Variants in LRP1B observed in about 807,000 individuals in gnomAD.
LRP1B encodes low-density lipoprotein receptor-related protein 1B.
A neutral mutation model predicts 556.6 loss-of-function variants in LRP1B; 217 were observed. That is an observed-to-expected ratio of 0.39 (90% CI 0.35 to 0.44). The LOEUF is 0.44. Among genes scored for constraint, LRP1B ranks in the 20% least tolerant of loss-of-function variants. The pLI is 1.00. For missense variants in LRP1B, 5,053 were observed against 5,620.8 expected, an observed-to-expected ratio of 0.90 and a Z score of 3.23; for synonymous variants, 2,047 against 1,865.8, an observed-to-expected ratio of 1.10 and a Z score of -2.50.
At position 140,924,308 on chromosome 2, in the gene LRP1B, C is replaced by T. The variant is rs142188609; in HGVS notation, c.3137-1161G>A. On this transcript the variant is annotated intron_variant, in intron 20 of 90. Coordinates refer to ENST00000389484, the MANE Select transcript of LRP1B (RefSeq NM_018557.3). ...CTCTATTTGTTCAGTGAGAATGCAT[C>T]AACAGGGTTGATGTGAGAATTAAAT... Among the ~76,000 whole-genome samples the T allele has an allele frequency of 1.8e-3, 276 of 152,116 alleles. 1 individual carries two copies. The highest frequency in any genetic ancestry group is 6.5e-3 in the African/African-American group (269 of 41,562).
At chr2:141,066,749 C>T (rs1383301194) in intron 7 of LRP1B, among the ~76,000 whole-genome samples, 1 of 151,846 alleles carries the variant, frequency 6.6e-6, no homozygotes, top group Non-Finnish European at 1.5e-5. Flanking sequence ...AATGAAATGA[C>T]TTATCATTCA....
At chr2:141,076,054 G>A (rs990423739) in intron 7 of LRP1B, among the ~76,000 whole-genome samples, 1 of 152,170 alleles carries the variant, frequency 6.6e-6, no homozygotes, top group African/African-American at 2.4e-5. Flanking sequence ...GCTGTGAGGG[G>A]CAGATGTACT....
At chr2:141,811,580 A>G (rs979260697) in intron 1 of LRP1B, among the ~76,000 whole-genome samples, 3 of 152,116 alleles carry the variant, frequency 2.0e-5, no homozygotes, top group Admixed American at 6.6e-5. Context: ...GCAAACACAT[A>G]TATCTTTAAA....
intron 2 of LRP1B, among the ~76,000 whole-genome samples, chr2:141,791,249 T>C (rs1370114566): frequency 1.3e-5 from 2 of 151,926 alleles, no homozygotes; most frequent in Non-Finnish European, 1.5e-5. Context: ...AATTATGAAA[T>C]TGTACTAAAA....
At chr2:142,041,632 A>C (rs1246630931) in intron 1 of LRP1B, among the ~76,000 whole-genome samples, 1 of 151,472 alleles carries the variant, frequency 6.6e-6, no homozygotes, top group East Asian at 1.9e-4. Flanking sequence ...GCTATTGACA[A>C]AGGCTAAACT....
intron 3 of LRP1B, among the ~76,000 whole-genome samples, chr2:141,370,546 T>A (rs1417332633): frequency 2.0e-5 from 3 of 152,198 alleles, no homozygotes; most frequent in Non-Finnish European, 4.4e-5. Flanking sequence ...ATCCTGGATA[T>A]GAGTCCCCTG....
chr2:140,700,148 T>A (rs2105419011), intron 41 of LRP1B, 102 bp downstream of exon 41: 1 of 1,059,904 alleles, frequency 9.4e-7, no homozygotes, highest in Non-Finnish European at 1.4e-6. Context: ...GAATATAAAA[T>A]CTAGGAAAAT....
At chr2:141,402,548 C>T (rs576221515) in intron 3 of LRP1B, among the ~76,000 whole-genome samples, 1 of 151,906 alleles carries the variant, frequency 6.6e-6, no homozygotes, top group Non-Finnish European at 1.5e-5. Flanking sequence ...CTCAAAGTAA[C>T]ACTATAGAAA....
chr2:140,261,613 G>A (rs942710216), intron 86 of LRP1B, among the ~76,000 whole-genome samples: 1 of 151,704 alleles, frequency 6.6e-6, no homozygotes, highest in Non-Finnish European at 1.5e-5. Flanking sequence ...CAACGGTGTT[G>A]GTTAAAGTAG....
At chr2:141,261,901 A>G (rs1684704584) in intron 3 of LRP1B, among the ~76,000 whole-genome samples, 1 of 152,104 alleles carries the variant, frequency 6.6e-6, no homozygotes, top group African/African-American at 2.4e-5. Flanking sequence ...ATTTGGGTAA[A>G]TATGGGATTT....
intron 41 of LRP1B, among the ~76,000 whole-genome samples, chr2:140,654,834 G>A (rs1467620629): frequency 6.6e-6 from 1 of 152,112 alleles, no homozygotes; most frequent in East Asian, 1.9e-4. Flanking sequence ...AGAAACATCT[G>A]CTCTCCGTAT....
chr2:140,883,748 A>T, intron 25 of LRP1B, 69 bp downstream of exon 25: 3 of 1,425,392 alleles, frequency 2.1e-6, no homozygotes, highest in Non-Finnish European at 2.9e-6. Context: ...TGAGATAATT[A>T]AATTCAATGT....
intron 41 of LRP1B, among the ~76,000 whole-genome samples, chr2:140,691,152 C>T (rs565947378): frequency 7.2e-5 from 11 of 152,172 alleles, no homozygotes; most frequent in African/African-American, 2.4e-4. Context: ...AAGAGAGAAA[C>T]ATATTTCCAG....
chr2:140,598,728 T>C lies in LRP1B; in HGVS notation c.7097A>G (p.Asn2366Ser). Residue 2366 changes from asparagine to serine, a missense_variant, in exon 43 of 91, where the codon AAT becomes AGT. Asn to Ser is a conservative substitution (Grantham distance 46, BLOSUM62 1). This residue lies in a region of LRP1B where 3,619 missense variants were observed against 3,931.9 expected (regional missense o/e 0.92). Transcript: ENST00000389484. ...VVVSTDILTPNGLTIDYRAEK... is the reference protein window; with the variant it reads ...VVVSTDILTPSGLTIDYRAEK... ...TGCACGGTAGTCGATAGTAAGTCCA[T>C]TTGGAGTGAGTATGTCTGTACTGAC... 6.2e-7 allele frequency: 1 copy of C among 1,613,592 alleles called. No individual in the cohort carries two copies.
At chr2:141,504,577 C>T (rs1188475150) in intron 2 of LRP1B, among the ~76,000 whole-genome samples, 1 of 152,012 alleles carries the variant, frequency 6.6e-6, no homozygotes, top group Non-Finnish European at 1.5e-5. Flanking sequence ...AACTTGTCTG[C>T]AGAAACAACA....
chr2:140,945,360 C>T (rs973916355), intron 20 of LRP1B, among the ~76,000 whole-genome samples: 1 of 152,020 alleles, frequency 6.6e-6, no homozygotes, highest in Non-Finnish European at 1.5e-5. Flanking sequence ...AATTAGAAAG[C>T]CATTCTAAAA....
chr2:140,408,819 G>A (rs1275905327), intron 66 of LRP1B, among the ~76,000 whole-genome samples: 1 of 151,908 alleles, frequency 6.6e-6, no homozygotes, highest in Non-Finnish European at 1.5e-5. Flanking sequence ...AGATAAATAT[G>A]CTTATTTTGA....
chr2:141,846,145 A>G (rs1355189216), intron 1 of LRP1B, among the ~76,000 whole-genome samples: 3 of 151,734 alleles, frequency 2.0e-5, no homozygotes, highest in African/African-American at 7.2e-5. Context: ...CTTTGCAAAG[A>G]CAGATTTCTG....
rs140810824 is a variant in LRP1B, at chr2:140,434,423, A to C, written c.10414+8081T>G. Among the ~76,000 whole-genome samples, 116 of 152,298 alleles carry C rather than the reference A, an allele frequency of 7.6e-4. No individual in the cohort carries two copies. In the East Asian group the frequency reaches 0.02, roughly 27 times the overall value. On this transcript the variant is annotated intron_variant, in intron 66 of 90. Coordinates refer to ENST00000389484, the MANE Select transcript of LRP1B (RefSeq NM_018557.3). Reference sequence around the variant, plus strand: ...CTTGATCAAAGACAATTTCTTATGAAGATTTCTGAGGAATTAAAAATAATT... The same window carrying C: ...CTTGATCAAAGACAATTTCTTATGACGATTTCTGAGGAATTAAAAATAATT...
Sources: allele counts gnomAD v4.1 joint callset (sites outside exome capture counted in the v4.1 genomes callset), GRCh38; gene constraint gnomAD v4.1.1; regional missense constraint gnomAD v4.1.1; transcripts MANE v1.5; gene names NCBI Gene and HGNC (gene_info 2026-07-23, HGNC 2026-07-21).